Variants in KLC1 observed in about 807,000 individuals in gnomAD.
The protein encoded by KLC1 is kinesin light chain 1, also known as kinesin 2 60/70kDa.
Under a neutral mutation model 84.2 loss-of-function variants are expected in KLC1, and 30 were observed. That is an observed-to-expected ratio of 0.36 (90% CI 0.27 to 0.48). The LOEUF is 0.48. Among genes scored for constraint, KLC1 ranks in the 20% least tolerant of loss-of-function variants. The pLI is 0.99. For missense variants in KLC1, 499 were observed against 805.4 expected, an observed-to-expected ratio of 0.62 and a Z score of 4.60; for synonymous variants, 289 against 293.3, an observed-to-expected ratio of 0.99 and a Z score of 0.15.
intron 2 of KLC1, 40 bp from the exon 3 acceptor site, chr14:103,657,506 A>G (rs1270676132): frequency 6.5e-7 from 1 of 1,545,522 alleles, no homozygotes; most frequent in South Asian, 1.1e-5. Context: ...CTCTTGCTGG[A>G]CAACGTGCCA....
chr14:103,637,250 G>A (rs1359305706), intron 1 of KLC1, among the ~76,000 whole-genome samples: 3 of 151,262 alleles, frequency 2.0e-5, no homozygotes, highest in African/African-American at 7.3e-5. Context: ...AGAAATTTTC[G>A]GCTGGGCGCG....
At position 103,694,947 on chromosome 14, in the gene KLC1, AGCGGGTGCCTGGCCCAGGAGCT is replaced by A. The variant is rs1230419503; in HGVS notation, c.1848+2525_1848+2546del. ...ACAAGACAAGCTCCGTGTAGTCGCC[AGCGGGTGCCTGGCCCAGGAGCT>A]GCCCTGTGGAGCCAGCGTTGTCCCC... On this transcript the variant is annotated intron_variant, in intron 15 of 16. Coordinates refer to ENST00000334553, the MANE Select transcript of KLC1 (RefSeq NM_001394837.1). The surrounding 1 kb of genome is among the most constrained non-coding windows in gnomAD (Gnocchi z 4.5). 3 of 985,316 alleles carry A rather than the reference AGCGGGTGCCTGGCCCAGGAGCT, an allele frequency of 3.0e-6. No individual in the cohort carries two copies. The Middle Eastern group carries it at 1.5e-3, about 509-fold the overall frequency. 61.0% of individuals were successfully genotyped at this position (985,316 alleles called of 1,614,324 possible).
chr14:103,654,922 G>T, intron 2 of KLC1, 97 bp downstream of exon 2: 7 of 1,371,944 alleles, frequency 5.1e-6, no homozygotes, highest in Non-Finnish European at 5.0e-6. Flanking sequence ...GAGGAAAGAT[G>T]ATTATAGAAT....
intron 2 of KLC1, among the ~76,000 whole-genome samples, chr14:103,655,424 T>A (rs1160752771): frequency 6.6e-6 from 1 of 151,648 alleles, no homozygotes; most frequent in Non-Finnish European, 1.5e-5. Flanking sequence ...TGCCTCAGCC[T>A]CCCAAGTAGC....
At chr14:103,646,991 T>A (rs977042085) in intron 1 of KLC1, among the ~76,000 whole-genome samples, 19 of 152,166 alleles carry the variant, frequency 1.2e-4, no homozygotes, top group African/African-American at 3.9e-4. Flanking sequence ...AAATTCATAT[T>A]TATGTCTGGT....
Position 103,687,141 on chromosome 14 carries a change from C to A in KLC1, c.1711C>A (p.Arg571Ser), listed in dbSNP as rs373529976. Residue 571 changes from arginine to serine, a missense_variant, in exon 14 of 17, where the codon CGC (arginine) becomes AGC (serine). Arg to Ser is a moderately radical substitution (Grantham distance 110, BLOSUM62 -1). Transcript: ENST00000334553. ...SFSKLRASIR[R>S]SSEKLVRKLK... ...TAGCAAACTCCGGGCTTCCATTAGA[C>A]GCAGCAGTGAGAAGCTGGTTAGGAA... 2 of 1,548,472 alleles carry A rather than the reference C, an allele frequency of 1.3e-6. No homozygotes were observed. Among genetic ancestry groups the A allele is most frequent in the Admixed American group, 2.0e-5 (1 of 50,940 alleles).
At chr14:103,629,651 T>C (rs2076517064) in intron 1 of KLC1, among the ~76,000 whole-genome samples, 157 bp downstream of exon 1, 2 of 140,206 alleles carry the variant, frequency 1.4e-5, no homozygotes, top group South Asian at 5.2e-4. Flanking sequence ...CCCACCCCGG[T>C]ACCCGCCCCA....
intron 15 of KLC1, chr14:103,696,292 C>T (rs956971170): frequency 2.0e-6 from 2 of 985,274 alleles, no homozygotes; most frequent in Admixed American, 1.2e-4. Context: ...GCTCAGGGGT[C>T]CTCAGAGGCC....
chr14:103,679,250 C>G, intron 12 of KLC1, 134 bp from the exon 13 acceptor site: 1 of 1,205,770 alleles, frequency 8.3e-7, no homozygotes, highest in Non-Finnish European at 1.2e-6. Flanking sequence ...TCCAAGGAAC[C>G]ACTCTTCCAA....
At chr14:103,692,560 C>A in intron 15 of KLC1, 135 bp downstream of exon 15, 1 of 637,542 alleles carries the variant, frequency 1.6e-6, no homozygotes, top group South Asian at 1.9e-5. Flanking sequence ...TGTTCCTAGA[C>A]AGACAGTTGT....
chr14:103,660,540 A>G (rs920627321), intron 3 of KLC1, among the ~76,000 whole-genome samples: 1 of 151,840 alleles, frequency 6.6e-6, no homozygotes, highest in African/African-American at 2.4e-5. Flanking sequence ...TGTAATCCCA[A>G]CATTTTGGGA....
At chr14:103,675,522 T>C (rs1257135240) in intron 9 of KLC1, 30 bp from the exon 10 acceptor site, 1 of 1,599,382 alleles carries the variant, frequency 6.3e-7, no homozygotes, top group Admixed American at 1.7e-5. Flanking sequence ...TTAAGGATGC[T>C]CAACCTGTAT....
In KLC1 at chr14:103,675,529, G is replaced by A. The variant is rs370123797; in HGVS notation, c.1262-23G>A. 5.0e-6 allele frequency: 8 copies of A among 1,605,974 alleles called. No homozygotes were observed. The African/African-American group carries it at 8.0e-5, about 16-fold the overall frequency. On this transcript the variant is annotated intron_variant, in intron 9 of 16. Transcript: ENST00000334553. ...GTTTTGGATTAAGGATGCTCAACCT[G>A]TATGCTGTGTTTTCTTCCCTAGATG...
chr14:103,692,836 A>G (rs958611834), intron 15 of KLC1, among the ~76,000 whole-genome samples: 16 of 152,254 alleles, frequency 1.1e-4, no homozygotes, highest in African/African-American at 3.9e-4. Flanking sequence ...AGAAGTATTC[A>G]AAACTCTGTT....
In KLC1 at chr14:103,687,225, C is replaced by G; in HGVS notation, c.1781+14C>G. On this transcript the variant is annotated intron_variant, in intron 14 of 16. Coordinates refer to ENST00000334553, the MANE Select transcript of KLC1 (RefSeq NM_001394837.1). ...AAAGAACCCCGGGTAACTATCTCTT[C>G]CAGCTCTCCCGACTCCCTGCACGCC... 1 of 1,532,694 alleles carries G rather than the reference C, an allele frequency of 6.5e-7. No individual in the cohort carries two copies. 94.9% of individuals were successfully genotyped at this position (1,532,694 alleles called of 1,614,324 possible). A position where few individuals can be genotyped will look rare whatever the true frequency, so the allele number is the denominator to read the frequency against.
chr14:103,677,343 A>T, intron 11 of KLC1, 72 bp from the exon 12 acceptor site: 5 of 870,580 alleles, frequency 5.7e-6, no homozygotes, highest in South Asian at 2.8e-5. Flanking sequence ...AGTTCTTTAG[A>T]TTATGTGCTG....
intron 13 of KLC1, chr14:103,683,729 G>C (rs1036288940): frequency 1.3e-5 from 2 of 152,202 alleles, no homozygotes; most frequent in Admixed American, 1.3e-4. Context: ...CAGCTCTGCT[G>C]GGGCCTTCTG....
Position 103,673,111 on chromosome 14 carries a change from A to G in KLC1, c.1085A>G (p.Tyr362Cys). ...AAGTATGAAGAAGTAGAATATTATT[A>G]TCAAAGAGCCCTCGAGATCTACCAG... ...QGKYEEVEYY[Y>C]QRALEIYQTK... Residue 362 changes from tyrosine to cysteine, a missense_variant, in exon 8 of 17, where the codon TAT becomes TGT. By Grantham distance (194) the Tyr-to-Cys change is radical. Around this residue, in one of 3 missense-constraint regions of KLC1, gnomAD observed 153 missense variants for 332.4 expected, o/e 0.46. Transcript: ENST00000334553. The G allele has an allele frequency of 6.2e-7, 1 of 1,614,006 alleles. No individual in the cohort carries two copies. The highest frequency in any genetic ancestry group is 8.5e-7 in the Non-Finnish European group (1 of 1,179,998).
rs1799796 is a variant in KLC1, at chr14:103,699,590, T to C, written c.1849-1065T>C. 0.31 allele frequency: 502,236 copies of C among 1,612,304 alleles called. 81,219 individuals carry two copies. Among genetic ancestry groups the C allele is most frequent in the East Asian group, 0.34 (15,330 of 44,824 alleles). On this transcript the variant is annotated intron_variant, in intron 15 of 16. Coordinates refer to ENST00000334553, the MANE Select transcript of KLC1 (RefSeq NM_001394837.1). The stretch of plus-strand genomic sequence containing the variant: ...CAACAAGGTGTCCTGTGGGGACAGC[T>C]GTCATTGTCTATGCTGGTCAGCAAG...
Sources: allele counts gnomAD v4.1 joint callset (sites outside exome capture counted in the v4.1 genomes callset), GRCh38; gene constraint gnomAD v4.1.1; regional missense constraint gnomAD v4.1.1; non-coding constraint Gnocchi (gnomAD v3.1); transcripts MANE v1.5; gene names NCBI Gene and HGNC (gene_info 2026-07-23, HGNC 2026-07-21).